Variants in RCAN3 observed in about 807,000 individuals in gnomAD.
RCAN3 encodes calcipressin-3.
In RCAN3, 19 loss-of-function variants were observed where a neutral mutation model predicts 21.9. The ratio of observed to expected loss-of-function variants is 0.87; its 90% CI spans 0.61 to 1.27. The LOEUF is 1.27. RCAN3 is among the 50% of genes most tolerant of loss of function. The pLI, the probability that RCAN3 is intolerant of heterozygous loss-of-function variation, is 0.00. For missense variants in RCAN3, 240 were observed against 300.1 expected, an observed-to-expected ratio of 0.80 and a Z score of 1.48; for synonymous variants, 114 against 112.3, an observed-to-expected ratio of 1.01 and a Z score of -0.09.
At position 24,525,141 on chromosome 1, in the gene RCAN3, T is replaced by TA. The variant is rs1649160019; in HGVS notation, c.196-6076dup. Among the ~76,000 whole-genome samples, 1 of 152,140 alleles carries TA rather than the reference T, an allele frequency of 6.6e-6. No individual in the cohort carries two copies. On this transcript the variant is annotated intron_variant, in intron 2 of 4. Coordinates refer to ENST00000374395, the MANE Select transcript of RCAN3 (RefSeq NM_013441.4). The surrounding 1 kb of genome is among the most constrained non-coding windows in gnomAD (Gnocchi z 4.1). ...TGGTGGATCCAGAAAGGTCAGGAAA[T>TA]ACACACTTGGCTGCCATCCTCATCT...
intron 4 of RCAN3, 65 bp downstream of exon 4, chr1:24,533,319 G>T (rs1649952434): frequency 5.4e-6 from 7 of 1,305,752 alleles, no homozygotes; most frequent in Non-Finnish European, 6.2e-6. Context: ...ATCGTATTCA[G>T]CAGTGTGCAT....
chr1:24,506,808 T>A (rs1647478081), intron 1 of RCAN3, among the ~76,000 whole-genome samples: 1 of 152,116 alleles, frequency 6.6e-6, no homozygotes, highest in African/African-American at 2.4e-5. Context: ...TTCTGTTTTT[T>A]AAAATCTTTT....
intron 2 of RCAN3, among the ~76,000 whole-genome samples, chr1:24,522,702 G>C (rs1557572807): frequency 6.6e-6 from 1 of 152,200 alleles, no homozygotes; most frequent in South Asian, 2.1e-4. Flanking sequence ...GCTTCTCCAA[G>C]GAGCCCAGGT....
At chr1:24,522,767 G>A (rs754103959) in intron 2 of RCAN3, among the ~76,000 whole-genome samples, 22 of 152,220 alleles carry the variant, frequency 1.4e-4, no homozygotes, top group Non-Finnish European at 2.6e-4. Flanking sequence ...TATGTAAGGC[G>A]CTGTTCCAGA....
In RCAN3 at chr1:24,535,381, C is replaced by T. The variant is rs1570492489; in HGVS notation, c.*104C>T. ...TGCGAACAGCATAGGTGAGACTCTG[C>T]CGAGTGAGGTATAGGTCTTCTCACC... On this transcript the variant is annotated 3_prime_UTR_variant, in exon 5 of 5. Transcript: ENST00000374395. The T allele has an allele frequency of 3.1e-6, 4 of 1,299,616 alleles. No individual in the cohort carries two copies. The South Asian group carries it at 5.5e-5, about 18-fold the overall frequency. The allele number at this position is 1,299,616 out of a possible 1,614,324, so 80.5% of individuals were successfully genotyped here. A position where few individuals can be genotyped will look rare whatever the true frequency, so the allele number is the denominator to read the frequency against.
At chr1:24,521,483 G>A (rs1648805654) in intron 2 of RCAN3, among the ~76,000 whole-genome samples, 1 of 152,204 alleles carries the variant, frequency 6.6e-6, no homozygotes, top group Non-Finnish European at 1.5e-5. Context: ...AGCATCTTCA[G>A]AGAGAAGGCT....
chr1:24,508,307 T>A (rs760991666), intron 1 of RCAN3, among the ~76,000 whole-genome samples: 31 of 152,212 alleles, frequency 2.0e-4, no homozygotes, highest in Non-Finnish European at 4.0e-4. Context: ...TCTTTATTGC[T>A]CAAGGTTCTG....
At position 24,531,352 on chromosome 1, in the gene RCAN3, A is replaced by G; in HGVS notation, c.330A>G (p.Thr110=). The G allele has an allele frequency of 6.2e-7, 1 of 1,613,752 alleles. No homozygotes were observed. Among genetic ancestry groups the G allele is most frequent in the Non-Finnish European group, 8.5e-7 (1 of 1,179,814 alleles). The change falls in exon 3 of 5, where the codon ACA becomes ACG. Residue 110 remains threonine (T), a synonymous_variant. Transcript: ENST00000374395. The stretch of plus-strand genomic sequence containing the variant: ...GAGCGCGAATAGAACTCCACGAAAC[A>G]GACTTCAATGGGCAGAAGCTAAAGC... The part of the protein sequence containing the change: ...AARARIELHE[T]DFNGQKLKLY...
At chr1:24,504,590 A>G (rs1268288072) in intron 1 of RCAN3, among the ~76,000 whole-genome samples, 2 of 152,264 alleles carry the variant, frequency 1.3e-5, no homozygotes, top group Non-Finnish European at 2.9e-5. Context: ...GTAACAGACA[A>G]GAGCAGATTT....
intron 2 of RCAN3, among the ~76,000 whole-genome samples, chr1:24,518,244 G>A (rs74947206): frequency 0.027 from 4,035 of 152,004 alleles, 80 homozygotes; most frequent in African/African-American, 0.05. Flanking sequence ...ACATTCTTCC[G>A]AATAGTAGAA....
chr1:24,521,493 T>A (rs893480736), intron 2 of RCAN3, among the ~76,000 whole-genome samples: 8 of 152,164 alleles, frequency 5.3e-5, no homozygotes, highest in Non-Finnish European at 1.2e-4. Context: ...GAGAGAAGGC[T>A]CCTCTATGTG....
intron 3 of RCAN3, among the ~76,000 whole-genome samples, chr1:24,532,724 G>A (rs1018731243): frequency 1.1e-4 from 17 of 150,802 alleles, no homozygotes; most frequent in East Asian, 5.9e-4. Flanking sequence ...CAAGGTGGGC[G>A]GATGATGAAG....
intron 2 of RCAN3, among the ~76,000 whole-genome samples, chr1:24,521,199 T>C (rs899120140): frequency 1.3e-5 from 2 of 152,220 alleles, no homozygotes; most frequent in African/African-American, 4.8e-5. Context: ...AAGACTATTC[T>C]GTGGGTGAAA....
At chr1:24,505,232 CTTTTTTTTTTTTTT>C (rs796980559) in intron 1 of RCAN3, among the ~76,000 whole-genome samples, 43 of 65,738 alleles carry the variant, frequency 6.5e-4, no homozygotes, top group Admixed American at 4.3e-3. Flanking sequence ...TCTCTTTTTT[CTTTTTTTTTTTTTT>C]TTTTTTTCTT....
chr1:24,533,039 T>C (rs1649912550), intron 3 of RCAN3, 44 bp from the exon 4 acceptor site: 8 of 1,230,068 alleles, frequency 6.5e-6, no homozygotes, highest in Non-Finnish European at 8.2e-6. Context: ...GAAGAAAACA[T>C]AGCCCGGTTT....
At chr1:24,524,636 CT>C (rs1238397025) in intron 2 of RCAN3, among the ~76,000 whole-genome samples, 2 of 152,052 alleles carry the variant, frequency 1.3e-5, no homozygotes, top group African/African-American at 4.8e-5. Context: ...GAGGCCTTGC[CT>C]TTGATATTAG....
chr1:24,521,487 G>C (rs1294348569), intron 2 of RCAN3, among the ~76,000 whole-genome samples: 2 of 152,204 alleles, frequency 1.3e-5, no homozygotes, highest in Non-Finnish European at 2.9e-5. Flanking sequence ...TCTTCAGAGA[G>C]AAGGCTCCTC....
rs928158506 is a variant in RCAN3, at chr1:24,514,690, C to T, written c.195+123C>T. 3.6e-5 allele frequency: 34 copies of T among 949,438 alleles called. No individual in the cohort carries two copies. The South Asian group carries it at 4.1e-4, about 11-fold the overall frequency. 58.8% of individuals were successfully genotyped at this position (949,438 alleles called of 1,614,324 possible). A position where few individuals can be genotyped will look rare whatever the true frequency, so the allele number is the denominator to read the frequency against. On this transcript the variant is annotated intron_variant, in intron 2 of 4. Coordinates refer to ENST00000374395, the MANE Select transcript of RCAN3 (RefSeq NM_013441.4). ...AGAAAGTGTATGTCCACTTTTAGGC[C>T]GGGCGCATTGGCTCACACCTGTAAT...
chr1:24,507,775 T>C (rs1266652020), intron 1 of RCAN3: 5 of 152,158 alleles, frequency 3.3e-5, no homozygotes, highest in African/African-American at 9.7e-5. Flanking sequence ...CAGATAGATA[T>C]ATTCAATAGA....
Sources: gnomAD v4.1 joint callset for allele counts (sites outside exome capture counted in the v4.1 genomes callset) on GRCh38, gnomAD v4.1.1 for gene constraint, Gnocchi (gnomAD v3.1) non-coding constraint, MANE v1.5 for transcripts, NCBI Gene and HGNC (gene_info 2026-07-23, HGNC 2026-07-21) for gene names.